The following OSBPL5 variants were observed in gnomAD, a reference collection of about 807,000 sequenced individuals.
OSBPL5 encodes the protein oxysterol-binding protein-related protein 5.
OSBPL5 carries 71 observed loss-of-function variants against 111.2 expected under a neutral mutation model. The ratio of observed to expected loss-of-function variants is 0.64; its 90% confidence interval spans 0.53 to 0.78. The LOEUF (loss-of-function observed/expected upper bound fraction) is 0.78. OSBPL5 is among the 30% of genes least tolerant of loss of function. The pLI is 0.00. For missense variants in OSBPL5, 1,210 were observed against 1,189.3 expected, an observed-to-expected ratio of 1.02 and a Z score of -0.26; for synonymous variants, 549 against 513.9, an observed-to-expected ratio of 1.07 and a Z score of -0.93.
chr11:3,129,259 C>A, intron 1 of OSBPL5, 90 bp from the exon 2 acceptor site: 4 of 1,226,930 alleles, frequency 3.3e-6, no homozygotes, highest in Non-Finnish European at 4.2e-6. Flanking sequence ...GCTAAGAAGT[C>A]CCCCTCTCAG....
chr11:3,137,759 T>A (rs181043524), intron 1 of OSBPL5, among the ~76,000 whole-genome samples: 1 of 152,254 alleles, frequency 6.6e-6, no homozygotes, highest in East Asian at 1.9e-4. Flanking sequence ...CTATGAGCCA[T>A]GGTCATGCCA....
chr11:3,092,717 TG>T lies in OSBPL5; in HGVS notation c.2132+149del. On this transcript the variant is annotated intron_variant, in intron 18 of 21. Transcript: ENST00000263650. The surrounding 1 kb of genome is among the most constrained non-coding windows in gnomAD (Gnocchi z 5.4). ...CAGGGCCTGCAGTAAGGACTGATGA[TG>T]GGGGGTGTCACTATCTGACCCTCCC... 3.8e-6 allele frequency: 5 copies of T among 1,321,332 alleles called. No homozygotes were observed. Among genetic ancestry groups the T allele is most frequent in the Non-Finnish European group, 5.1e-6 (5 of 986,264 alleles). 81.9% of individuals were successfully genotyped at this position (1,321,332 alleles called of 1,614,324 possible). A position where few individuals can be genotyped will look rare whatever the true frequency, so the allele number is the denominator to read the frequency against.
intron 1 of OSBPL5, among the ~76,000 whole-genome samples, chr11:3,138,565 A>G (rs905545038): frequency 3.3e-5 from 5 of 152,198 alleles, no homozygotes; most frequent in African/African-American, 1.2e-4. Context: ...TAAGACATGA[A>G]CCTGGGCCCC....
intron 1 of OSBPL5, among the ~76,000 whole-genome samples, chr11:3,129,970 CG>C (rs996865101): frequency 6.6e-6 from 1 of 152,222 alleles, no homozygotes; most frequent in Non-Finnish European, 1.5e-5. Context: ...GGTTCAGAAG[CG>C]AGTTTCTTGT....
chr11:3,122,084 G>A lies in OSBPL5; in HGVS notation c.315C>T (p.Asn105=). The A allele has an allele frequency of 6.3e-7, 1 of 1,575,534 alleles. No individual in the cohort carries two copies. Among genetic ancestry groups the A allele is most frequent in the Non-Finnish European group, 8.6e-7 (1 of 1,165,826 alleles). ...TGGCGCGCTTCTTCTCCTGCCGGTA[G>A]TTCTCCTTCTGCGCCTGGGCCCGGG... ...KKETLKAQKE[N]YRQEKKRATR... Residue 105 remains asparagine, a synonymous_variant, in exon 5 of 22, where the codon AAC becomes AAT. Coordinates refer to ENST00000263650, the MANE Select transcript of OSBPL5 (RefSeq NM_020896.4).
At chr11:3,089,151 A>G (rs1461435119) in intron 21 of OSBPL5, among the ~76,000 whole-genome samples, 1 of 152,200 alleles carries the variant, frequency 6.6e-6, no homozygotes, top group African/African-American at 2.4e-5. Context: ...ATGCTTACAC[A>G]GGGACAATGA....
At chr11:3,111,102 C>T (rs1857908151) in intron 7 of OSBPL5, among the ~76,000 whole-genome samples, 2 of 152,072 alleles carry the variant, frequency 1.3e-5, no homozygotes, top group South Asian at 4.1e-4. Flanking sequence ...ATGGCTCAAA[C>T]CAATAAGACA....
intron 1 of OSBPL5, among the ~76,000 whole-genome samples, chr11:3,145,033 G>C (rs67977278): frequency 0.074 from 11,298 of 152,290 alleles, 550 homozygotes; most frequent in South Asian, 0.1. Context: ...GGAGGCCTTT[G>C]GGGGGCAGCC....
intron 12 of OSBPL5, 80 bp from the exon 13 acceptor site, chr11:3,101,779 A>C (rs922237046): frequency 2.5e-6 from 3 of 1,182,082 alleles, no homozygotes; most frequent in African/African-American, 3.0e-5. Flanking sequence ...TCCCCCAAAA[A>C]ACCTGTCCCT....
rs758363442 is a variant in OSBPL5, at chr11:3,153,285, CAT to C, written c.-22+11929_-22+11930del. On this transcript the variant is annotated intron_variant, in intron 1 of 21. Transcript: ENST00000263650. The stretch of plus-strand genomic sequence containing the variant: ...TCATTCCAAAAGCCTCCATAAAATA[CAT>C]GTTAATCATTATCAAAATTAGCTGT... Among the ~76,000 whole-genome samples the C allele has an allele frequency of 3.3e-5, 5 of 152,344 alleles. No individual in the cohort carries two copies. The South Asian group carries it at 6.2e-4, about 19-fold the overall frequency.
rs1388026389 is a variant in OSBPL5, at chr11:3,141,939, G to A, written c.-21-12770C>T. ...TTCTTTTTATTTTTTTTGAGACGGA[G>A]TCTCGCTCTGTTGCCCAGACTGGAG... On this transcript the variant is annotated intron_variant, in intron 1 of 21. Coordinates refer to ENST00000263650, the MANE Select transcript of OSBPL5 (RefSeq NM_020896.4). This position sits in a 1 kb window ranked among gnomAD's most constrained non-coding sequence, Gnocchi z 6.5. Among the ~76,000 whole-genome samples, 2 of 152,132 alleles carry A rather than the reference G, an allele frequency of 1.3e-5. No individual in the cohort carries two copies. The highest frequency in any genetic ancestry group is 2.4e-5 in the African/African-American group (1 of 41,444).
intron 1 of OSBPL5, among the ~76,000 whole-genome samples, chr11:3,152,046 C>T (rs768913952): frequency 1.3e-5 from 2 of 152,244 alleles, no homozygotes; most frequent in Non-Finnish European, 2.9e-5. Flanking sequence ...AAAGCGAGGC[C>T]TTCTGCATTC....
intron 7 of OSBPL5, among the ~76,000 whole-genome samples, chr11:3,116,018 G>A (rs989452299): frequency 1.3e-5 from 2 of 151,836 alleles, no homozygotes; most frequent in Non-Finnish European, 2.9e-5. Context: ...TATAAATTAT[G>A]TCTTTTTCTA....
chr11:3,163,545 G>C (rs897260107), intron 1 of OSBPL5, among the ~76,000 whole-genome samples: 2 of 152,118 alleles, frequency 1.3e-5, no homozygotes, highest in Middle Eastern at 3.2e-3. Context: ...GGGCGGTCTT[G>C]CGTTGGTATT....
At chr11:3,152,863 G>A (rs75593317) in intron 1 of OSBPL5, among the ~76,000 whole-genome samples, 19,669 of 152,124 alleles carry the variant, frequency 0.13, 1,346 homozygotes, top group East Asian at 0.18. Context: ...GGAATACCAC[G>A]TGCCAGGTCT....
intron 1 of OSBPL5, among the ~76,000 whole-genome samples, chr11:3,158,111 T>C (rs1364527712): frequency 1.3e-5 from 2 of 152,214 alleles, no homozygotes; most frequent in Non-Finnish European, 2.9e-5. Context: ...GGGGCCCACA[T>C]CCTGACGTTT....
Position 3,093,597 on chromosome 11 carries a change from C to T in OSBPL5, c.1876G>A (p.Glu626Lys), listed in dbSNP as rs866421233. The T allele has an allele frequency of 1.2e-6, 2 of 1,612,656 alleles. No homozygotes were observed. Among genetic ancestry groups the T allele is most frequent in the African/African-American group, 2.7e-5 (2 of 74,944 alleles). The stretch of plus-strand genomic sequence containing the variant: ...TGCCTCAGCCTCTGTCTGCGGACCT[C>T]CCCGCTCGGGGTCCAGAAAAGCGCA... Reference protein sequence around the residue: ...SSALFWTPSGEVRRQRLRQHT... With the variant: ...SSALFWTPSGKVRRQRLRQHT... Residue 626 changes from glutamate (E) to lysine (K), a missense_variant, in exon 17 of 22, where the codon GAG becomes AAG. Coordinates refer to ENST00000263650, the MANE Select transcript of OSBPL5 (RefSeq NM_020896.4).
chr11:3,159,239 TA>T (rs1846881215), intron 1 of OSBPL5, among the ~76,000 whole-genome samples: 1 of 151,860 alleles, frequency 6.6e-6, no homozygotes. Flanking sequence ...GGGGAAGAGG[TA>T]GAACTCTCAG....
chr11:3,103,210 C>T, intron 11 of OSBPL5, 29 bp downstream of exon 11: 3 of 1,573,408 alleles, frequency 1.9e-6, no homozygotes, highest in African/African-American at 1.4e-5. Context: ...GGGCCGGAGC[C>T]CCACCCTCCC....
Sources: allele counts gnomAD v4.1 joint callset (sites outside exome capture counted in the v4.1 genomes callset), GRCh38; gene constraint gnomAD v4.1.1; non-coding constraint Gnocchi (gnomAD v3.1); transcripts MANE v1.5; gene names NCBI Gene and HGNC (gene_info 2026-07-23, HGNC 2026-07-21).